Variants in SYNE2 observed in about 807,000 individuals in gnomAD.
SYNE2 encodes the protein nesprin-2.
In SYNE2, 431 loss-of-function variants were observed where a neutral mutation model predicts 856.3. The observed-to-expected ratio is 0.50, with a 90% CI of 0.47 to 0.55. The LOEUF is 0.55. Ranked by LOEUF, SYNE2 falls within the 20% of genes least tolerant of loss-of-function variation. SYNE2 has a pLI of 0.00. For missense variants in SYNE2, 8,129 were observed against 8,023.2 expected, an observed-to-expected ratio of 1.01 and a Z score of -0.50; for synonymous variants, 2,923 against 2,872.3, an observed-to-expected ratio of 1.02 and a Z score of -0.56.
chr14:63,925,096 G>A (rs2095647716), intron 2 of SYNE2, among the ~76,000 whole-genome samples: 1 of 151,976 alleles, frequency 6.6e-6, no homozygotes, highest in African/African-American at 2.4e-5. Flanking sequence ...GAGCCCAGGA[G>A]TTCAAGACCA....
intron 85 of SYNE2, among the ~76,000 whole-genome samples, chr14:64,155,443 G>C (rs1390210576): frequency 2.6e-5 from 4 of 152,104 alleles, no homozygotes; most frequent in Non-Finnish European, 4.4e-5. Flanking sequence ...AGTGGCTGGG[G>C]AGAACGAGGA....
intron 95 of SYNE2, among the ~76,000 whole-genome samples, 187 bp from the exon 96 acceptor site, chr14:64,177,171 G>A (rs1299034132): frequency 6.6e-6 from 1 of 152,154 alleles, no homozygotes; most frequent in Non-Finnish European, 1.5e-5. Flanking sequence ...AAGGAGGGTC[G>A]AGTCATATTG....
rs140940287 is a variant in SYNE2, at chr14:64,216,262, G to A, written c.19417G>A (p.Asp6473Asn). 5.0e-6 allele frequency: 8 copies of A among 1,614,146 alleles called. No homozygotes were observed. The highest frequency in any genetic ancestry group is 6.8e-6 in the Non-Finnish European group (8 of 1,180,042). Residue 6473 changes from aspartate (D) to asparagine (N), a missense_variant, in exon 108 of 116, where the codon GAT (aspartate) becomes AAT (asparagine). Physicochemically the swap from Asp to Asn is conservative, Grantham distance 23 (BLOSUM62 1). Around this residue, in one of 3 missense-constraint regions of SYNE2, gnomAD observed 5,410 missense variants for 5,284.8 expected, o/e 1.02. Coordinates refer to ENST00000555002, the MANE Select transcript of SYNE2 (RefSeq NM_182914.3). ...TTTCGTTTCAGGTAAATCCATTTCG[G>A]ATGGCCACTCGTGGCATGTTCCCGA... ...LKASSGKSIS[D>N]GHSWHVPDSP...
At chr14:63,835,679 A>G (rs938113838) in intron 1 of SYNE2, among the ~76,000 whole-genome samples, 1 of 151,942 alleles carries the variant, frequency 6.6e-6, no homozygotes, top group East Asian at 1.9e-4. Context: ...CTTAAATATT[A>G]TTCTTATTTT....
intron 99 of SYNE2, among the ~76,000 whole-genome samples, chr14:64,193,110 A>G (rs533004649): frequency 6.6e-6 from 1 of 152,342 alleles, no homozygotes; most frequent in South Asian, 2.1e-4. Context: ...CAAACTTTAC[A>G]TTTGAACAGT....
chr14:64,192,797 C>G (rs2098524359), intron 99 of SYNE2, among the ~76,000 whole-genome samples: 1 of 152,184 alleles, frequency 6.6e-6, no homozygotes, highest in African/African-American at 2.4e-5. Context: ...CCTGACAGCC[C>G]AGACCCTCTC....
chr14:63,786,022 G>A (rs1281959022), intron 1 of SYNE2, among the ~76,000 whole-genome samples: 3 of 151,976 alleles, frequency 2.0e-5, no homozygotes, highest in Non-Finnish European at 4.4e-5. Context: ...AGGCTGAGAT[G>A]GGCGGATCAT....
intron 2 of SYNE2, among the ~76,000 whole-genome samples, chr14:63,927,675 C>A (rs557208470): frequency 6.6e-6 from 1 of 152,002 alleles, no homozygotes; most frequent in African/African-American, 2.4e-5. Flanking sequence ...GGACGGATCA[C>A]GAGGTCAGGA....
At chr14:63,898,586 T>G (rs1189340981) in intron 1 of SYNE2, among the ~76,000 whole-genome samples, 1 of 151,928 alleles carries the variant, frequency 6.6e-6, no homozygotes, top group East Asian at 1.9e-4. Flanking sequence ...TGTTTTTTTT[T>G]GTAGAGACGG....
intron 85 of SYNE2, among the ~76,000 whole-genome samples, chr14:64,156,823 G>T (rs2098290211): frequency 6.6e-6 from 1 of 152,196 alleles, no homozygotes; most frequent in Non-Finnish European, 1.5e-5. Context: ...CCCTTGTAAA[G>T]ACATTCAGTC....
At chr14:64,162,349 T>C in intron 88 of SYNE2, 73 bp downstream of exon 88, 2 of 1,482,642 alleles carry the variant, frequency 1.3e-6, no homozygotes, top group Non-Finnish European at 1.9e-6. Context: ...AGCCATGACC[T>C]GGGGACCAGA....
Position 64,225,428 on chromosome 14 carries a change from C to T in SYNE2, c.20626C>T (p.Pro6876Ser), listed in dbSNP as rs1567708578. The change falls in exon 116 of 116, where the codon CCC becomes TCC. Residue 6876 changes from proline (P) to serine (S), a missense_variant. By Grantham distance (74) the Pro-to-Ser change is moderately conservative. Coordinates refer to ENST00000555002, the MANE Select transcript of SYNE2 (RefSeq NM_182914.3). ...GCTGCTGCTCCTGGCCTGCCTGCTGCCCTCCTCCGAAGAAGACTACAGCTG... is the reference window on the plus strand; with the variant it reads ...GCTGCTGCTCCTGGCCTGCCTGCTGTCCTCCTCCGAAGAAGACTACAGCTG... ...LLLLLLACLL[P>S]SSEEDYSCTQ... The T allele has an allele frequency of 6.2e-7, 1 of 1,614,116 alleles. No homozygotes were observed.
Position 64,220,566 on chromosome 14 carries a change from C to G in SYNE2, c.19990C>G (p.Leu6664Val), listed in dbSNP as rs540792337. 1 of 1,614,192 alleles carries G rather than the reference C, an allele frequency of 6.2e-7. No homozygotes were observed. The highest frequency in any genetic ancestry group is 1.1e-5 in the South Asian group (1 of 91,080). Reference sequence around the variant, plus strand: ...AAGTAGACTCCGCCAGCTGAGCCTGCTCTGGGAAGCAGCACAGGGCGCAGT... The same window carrying G: ...AAGTAGACTCCGCCAGCTGAGCCTGGTCTGGGAAGCAGCACAGGGCGCAGT... ...LQSRLRQLSL[L>V]WEAAQGAVDS... The change falls in exon 111 of 116, where the codon CTC becomes GTC. Residue 6664 changes from leucine to valine, a missense_variant. Physicochemically the swap from Leu to Val is conservative, Grantham distance 32. Coordinates refer to ENST00000555002, the MANE Select transcript of SYNE2 (RefSeq NM_182914.3).
At chr14:64,048,887 T>C (rs2097204289) in intron 46 of SYNE2, 1 of 141,768 alleles carries the variant, frequency 7.1e-6, no homozygotes. Context: ...CCAGCCTAGA[T>C]GATGGAGCGA....
chr14:64,098,652 T>TA (rs1374207094), intron 62 of SYNE2, 95 bp from the exon 63 acceptor site: 8 of 1,322,468 alleles, frequency 6.0e-6, no homozygotes, highest in Non-Finnish European at 8.6e-6. Context: ...ATAAAGTAAG[T>TA]AAAAAATTAG....
intron 1 of SYNE2, among the ~76,000 whole-genome samples, chr14:63,766,695 T>C (rs948286055): frequency 2.6e-5 from 4 of 152,198 alleles, no homozygotes; most frequent in Non-Finnish European, 5.9e-5. Context: ...TTTAAACTTT[T>C]CAGTCTGTAG....
At chr14:64,192,023 A>G (rs2139675128) in intron 99 of SYNE2, among the ~76,000 whole-genome samples, 1 of 152,336 alleles carries the variant, frequency 6.6e-6, no homozygotes, top group African/African-American at 2.4e-5. Context: ...ATGAGCCAGC[A>G]TTTATGGAGT....
At chr14:64,100,044 G>A (rs1368956211) in intron 63 of SYNE2, 4 of 151,838 alleles carry the variant, frequency 2.6e-5, no homozygotes, top group African/African-American at 7.3e-5. Flanking sequence ...TGTTTACTGC[G>A]GCATTATTCA....
chr14:64,107,932 T>C (rs550798642), intron 65 of SYNE2, among the ~76,000 whole-genome samples: 3 of 152,336 alleles, frequency 2.0e-5, no homozygotes. Flanking sequence ...AGGGTTAATA[T>C]TGATTAATAG....
Sources: allele counts gnomAD v4.1 joint callset (sites outside exome capture counted in the v4.1 genomes callset), GRCh38; gene constraint gnomAD v4.1.1; regional missense constraint gnomAD v4.1.1; transcripts MANE v1.5; gene names NCBI Gene and HGNC (gene_info 2026-07-23, HGNC 2026-07-21).